MEP1B: variants seen among roughly 807,000 people sequenced by gnomAD.
The protein encoded by MEP1B is meprin A subunit beta, also known as N-benzoyl-L-tyrosyl-P-amino-benzoic acid hydrolase subunit beta.
In MEP1B, 80 loss-of-function variants were observed where a neutral mutation model predicts 84.6. The ratio of observed to expected loss-of-function variants is 0.95; its 90% CI spans 0.79 to 1.14. The LOEUF (loss-of-function observed/expected upper bound fraction) is 1.14. MEP1B is among the 50% of genes most tolerant of loss of function. The pLI is 0.00. For missense variants in MEP1B, 766 were observed against 855.1 expected (o/e 0.90, Z 1.30); for synonymous variants, 273 against 288.1 (o/e 0.95, Z 0.53).
At chr18:32,199,973 A>C (rs1462205253) in intron 5 of MEP1B, among the ~76,000 whole-genome samples, 1 of 151,990 alleles carries the variant, frequency 6.6e-6, no homozygotes, top group African/African-American at 2.4e-5. Context: ...TTATTCTCCT[A>C]AGTATGTTCC....
chr18:32,191,701 A>G (rs1256038758), intron 1 of MEP1B, 121 bp from the exon 2 acceptor site: 3 of 591,190 alleles, frequency 5.1e-6, no homozygotes, highest in African/African-American at 3.8e-5. Flanking sequence ...CATGTCAGGA[A>G]GTAATCCATA....
chr18:32,217,974 A>G lies in MEP1B; in HGVS notation c.2091+9A>G. On this transcript the variant is annotated intron_variant, in intron 14 of 14. Coordinates refer to ENST00000269202, the MANE Select transcript of MEP1B (RefSeq NM_005925.3). ...ATTTGACTCCGCAAAATGTAAGTTG[A>G]GGCTGATGTTTGATTATTCATAACC... 1 of 1,612,976 alleles carries G rather than the reference A, an allele frequency of 6.2e-7. No individual in the cohort carries two copies. Among genetic ancestry groups the G allele is most frequent in the Admixed American group, 1.7e-5 (1 of 60,010 alleles).
At chr18:32,211,776 T>C (rs2041030510) in intron 10 of MEP1B, among the ~76,000 whole-genome samples, 3 of 152,100 alleles carry the variant, frequency 2.0e-5, no homozygotes, top group Admixed American at 2.0e-4. Context: ...CTGGCAAATA[T>C]ATTACTGTCT....
At chr18:32,205,576 C>T (rs886470343) in intron 7 of MEP1B, among the ~76,000 whole-genome samples, 1 of 152,164 alleles carries the variant, frequency 6.6e-6, no homozygotes, top group Admixed American at 6.5e-5. Flanking sequence ...AATCCACAGC[C>T]ACACTCCTTA....
Position 32,204,378 on chromosome 18 carries a change from TC to T in MEP1B, c.547+20del. 5.8e-6 allele frequency: 9 copies of T among 1,558,178 alleles called. No individual in the cohort carries two copies. Among genetic ancestry groups the T allele is most frequent in the Non-Finnish European group, 7.8e-6 (9 of 1,148,260 alleles). Reference sequence around the variant, plus strand: ...TCTGTCAGGTACATTTCTCTTTTTTTCCTATGTTTTTAGTTAAGGACTGAAT... The same window carrying T: ...TCTGTCAGGTACATTTCTCTTTTTTTCTATGTTTTTAGTTAAGGACTGAAT... On this transcript the variant is annotated intron_variant, in intron 7 of 14. Transcript: ENST00000269202.
intron 9 of MEP1B, 32 bp downstream of exon 9, chr18:32,208,303 A>G: frequency 1.3e-6 from 2 of 1,561,778 alleles, no homozygotes; most frequent in South Asian, 1.2e-5. Context: ...TAGACTGTAT[A>G]CTCAGTGGCT....
At chr18:32,216,768 G>A (rs560073487) in intron 12 of MEP1B, among the ~76,000 whole-genome samples, 1 of 152,050 alleles carries the variant, frequency 6.6e-6, no homozygotes, top group East Asian at 1.9e-4. Context: ...TTGGCATCAT[G>A]GCTCACGCCT....
rs2040812742 is a variant in MEP1B at position 32,192,592 on chromosome 18, T to C, written c.83-54T>C. 3.3e-6 allele frequency: 5 copies of C among 1,529,212 alleles called. No individual in the cohort carries two copies. The South Asian group carries it at 4.5e-5, about 14-fold the overall frequency. The allele number at this position is 1,529,212 out of a possible 1,614,324, so 94.7% of individuals were successfully genotyped here. A position where few individuals can be genotyped will look rare whatever the true frequency, so the allele number is the denominator to read the frequency against. On this transcript the variant is annotated intron_variant, in intron 2 of 14. Transcript: ENST00000269202. ...CTGATTATATAAATGATAAAGGTTT[T>C]CTCCTTTTATAAACATAATGTTCAA...
At chr18:32,190,172 G>T (rs926202550) in intron 1 of MEP1B, 39 bp downstream of exon 1, 3 of 1,498,480 alleles carry the variant, frequency 2.0e-6, no homozygotes, top group Non-Finnish European at 1.8e-6. Flanking sequence ...TAAAAATTTT[G>T]GGGCAGTTGA....
intron 8 of MEP1B, among the ~76,000 whole-genome samples, chr18:32,207,885 A>T (rs964252861): frequency 4.6e-5 from 7 of 152,060 alleles, no homozygotes; most frequent in African/African-American, 7.2e-5. Context: ...AAATTAGAAA[A>T]TTTTTTTTAA....
intron 10 of MEP1B, among the ~76,000 whole-genome samples, chr18:32,211,807 G>A (rs182258817): frequency 7.9e-5 from 12 of 152,090 alleles, no homozygotes; most frequent in African/African-American, 2.4e-4. Context: ...ATCATCTCAT[G>A]ACTTGAATGA....
At position 32,207,339 on chromosome 18, in the gene MEP1B, G is replaced by A. The variant is rs199832972; in HGVS notation, c.635G>A (p.Ser212Asn). ...PYDYTSVMHYSKTAFQNGTEP... is the reference protein window; with the variant it reads ...PYDYTSVMHYNKTAFQNGTEP... ...GATTACACTTCAGTAATGCACTACA[G>A]TAAAACTGCATTCCAAAATGGAACA... Residue 212 changes from serine to asparagine, a missense_variant, in exon 8 of 15, where the codon AGT (serine) becomes AAT (asparagine). By Grantham distance (46) the Ser-to-Asn change is conservative. Coordinates refer to ENST00000269202, the MANE Select transcript of MEP1B (RefSeq NM_005925.3). 1.9e-6 allele frequency: 3 copies of A among 1,612,402 alleles called. No individual in the cohort carries two copies. The highest frequency in any genetic ancestry group is 3.3e-5 in the Admixed American group (2 of 59,960).
intron 6 of MEP1B, among the ~76,000 whole-genome samples, chr18:32,203,391 G>A (rs1050602438): frequency 3.9e-5 from 6 of 152,146 alleles, no homozygotes; most frequent in African/African-American, 1.4e-4. Flanking sequence ...TTAAGAAGGC[G>A]ACAGTATTAT....
intron 5 of MEP1B, 104 bp downstream of exon 5, chr18:32,195,589 G>A: frequency 1.4e-6 from 1 of 701,050 alleles, no homozygotes. Flanking sequence ...GGTTTTGTTT[G>A]GTTTGCTCCT....
chr18:32,213,359 C>T lies in MEP1B; in HGVS notation c.1379C>T (p.Ala460Val). The T allele has an allele frequency of 1.2e-6, 2 of 1,613,766 alleles. No individual in the cohort carries two copies. Among genetic ancestry groups the T allele is most frequent in the South Asian group, 1.1e-5 (1 of 91,056 alleles). ...CCATTTTACTCTTCTAAAGGTTATGCCTTTCAGATTTACTTAAATCTAGCC... is the reference window on the plus strand; with the variant it reads ...CCATTTTACTCTTCTAAAGGTTATGTCTTTCAGATTTACTTAAATCTAGCC... ...SPPFYSSKGYAFQIYLNLAHV... is the reference protein window; with the variant it reads ...SPPFYSSKGYVFQIYLNLAHV... The change falls in exon 11 of 15, where the codon GCC becomes GTC. Residue 460 changes from alanine (A) to valine (V), a missense_variant. By Grantham distance (64) the Ala-to-Val change is moderately conservative (BLOSUM62 0). Coordinates refer to ENST00000269202, the MANE Select transcript of MEP1B (RefSeq NM_005925.3).
chr18:32,205,618 T>A (rs996352028), intron 7 of MEP1B, among the ~76,000 whole-genome samples: 3 of 152,240 alleles, frequency 2.0e-5, no homozygotes, highest in Admixed American at 6.5e-5. Flanking sequence ...TGATCTAAAC[T>A]TCTGCTCACA....
intron 12 of MEP1B, 111 bp downstream of exon 12, chr18:32,215,372 T>TG (rs2144430056): frequency 3.4e-6 from 2 of 584,516 alleles, no homozygotes; most frequent in Non-Finnish European, 5.7e-6. Flanking sequence ...TATAGAGATG[T>TG]GGGGGGAATG....
At chr18:32,219,103 C>G (rs549915024) in intron 14 of MEP1B, among the ~76,000 whole-genome samples, 7 of 152,214 alleles carry the variant, frequency 4.6e-5, no homozygotes, top group Non-Finnish European at 8.8e-5. Context: ...ATTAGAATAT[C>G]TCCAAAAATA....
At chr18:32,210,384 C>A (rs926776019) in intron 9 of MEP1B, 117 bp from the exon 10 acceptor site, 3 of 818,002 alleles carry the variant, frequency 3.7e-6, no homozygotes, top group African/African-American at 1.7e-5. Context: ...TTCTCCCTGG[C>A]GATTTATATA....
Sources: allele counts gnomAD v4.1 joint callset (sites outside exome capture counted in the v4.1 genomes callset), GRCh38; gene constraint gnomAD v4.1.1; transcripts MANE v1.5; gene names NCBI Gene and HGNC (gene_info 2026-07-23, HGNC 2026-07-21).